Variants in PSMF1 observed in about 807,000 individuals in gnomAD.
PSMF1 encodes proteasome inhibitor PI31 subunit.
In PSMF1, 30 loss-of-function variants were observed where a neutral mutation model predicts 29.3. The observed-to-expected ratio is 1.02, with a 90% CI of 0.77 to 1.39. PSMF1 has a LOEUF of 1.39. Ranked by LOEUF, PSMF1 falls within the 40% of genes most tolerant of loss-of-function variation. The probability of loss-of-function intolerance (pLI) is 0.00; values close to 1 mark genes in which losing one functional copy is unlikely to be tolerated. For synonymous variants in PSMF1, 134 were observed against 139.7 expected (o/e 0.96, Z 0.29); for missense variants, 344 against 357.5 (o/e 0.96, Z 0.31).
At position 1,118,781 on chromosome 20, in the gene PSMF1, G is replaced by A; in HGVS notation, c.8G>A (p.Gly3Asp). The change falls in exon 1 of 7, where the codon GGC becomes GAC. Residue 3 changes from glycine to aspartate, a missense_variant. Coordinates refer to ENST00000335877, the MANE Select transcript of PSMF1 (RefSeq NM_006814.5). The part of the protein sequence containing the change: MA[G>D]LEVLFASAAP... ...CCGAAGTCGCGGGCGCTCATGGCGGGCCTGGAGGTACTGTTCGCATCGGCA... is the reference window on the plus strand; with the variant it reads ...CCGAAGTCGCGGGCGCTCATGGCGGACCTGGAGGTACTGTTCGCATCGGCA... 2.5e-6 allele frequency: 4 copies of A among 1,611,348 alleles called. No individual in the cohort carries two copies. Among genetic ancestry groups the A allele is most frequent in the Non-Finnish European group, 3.4e-6 (4 of 1,178,562 alleles).
At chr20:1,116,665 A>C (rs1462764397), upstream of PSMF1, among the ~76,000 whole-genome samples, 1 of 152,252 alleles carries the variant, frequency 6.6e-6, no homozygotes, top group African/African-American at 2.4e-5. Context: ...ATATGTGCAC[A>C]AGGTAGACAT....
At chr20:1,160,049 A>G (rs1181959128) in intron 4 of PSMF1, among the ~76,000 whole-genome samples, 1 of 152,066 alleles carries the variant, frequency 6.6e-6, no homozygotes, top group Non-Finnish European at 1.5e-5. Context: ...AAAATACTAA[A>G]TATTTGTGTT....
chr20:1,118,868 C>T lies in PSMF1; in HGVS notation c.95C>T (p.Thr32Ile), dbSNP rs1369739118. 1 of 1,614,138 alleles carries T rather than the reference C, an allele frequency of 6.2e-7. No individual in the cohort carries two copies. Among genetic ancestry groups the T allele is most frequent in the Non-Finnish European group, 8.5e-7 (1 of 1,179,960 alleles). ...LVCFLHWEVV[T>I]HGYFGLGVGD... is the part of the protein sequence containing the mutation. ...TGCTTCTTGCATTGGGAAGTGGTGA[C>T]ACACGGTTACTTCGGCTTGGGTGTC... Residue 32 changes from threonine to isoleucine, a missense_variant, in exon 1 of 7, where the codon ACA becomes ATA. By Grantham distance (89) the Thr-to-Ile change is moderately conservative. Coordinates refer to ENST00000335877, the MANE Select transcript of PSMF1 (RefSeq NM_006814.5).
chr20:1,116,561 C>T (rs185206014), upstream of PSMF1, among the ~76,000 whole-genome samples: 9 of 152,308 alleles, frequency 5.9e-5, no homozygotes, highest in Non-Finnish European at 1.0e-4. Context: ...AGTGCCCTGA[C>T]TGGGTTGGGG....
chr20:1,120,736 T>TC (rs2086076516), intron 1 of PSMF1, among the ~76,000 whole-genome samples: 1 of 152,084 alleles, frequency 6.6e-6, no homozygotes, highest in Admixed American at 6.6e-5. Flanking sequence ...GGCCCTCAGC[T>TC]CCCCCTGCCC....
chr20:1,143,642 A>G (rs969701340), intron 4 of PSMF1, among the ~76,000 whole-genome samples: 6 of 152,240 alleles, frequency 3.9e-5, no homozygotes, highest in African/African-American at 1.4e-4. Context: ...ATTGAAATTT[A>G]AAACTTTTGC....
intron 2 of PSMF1, 139 bp from the exon 3 acceptor site, chr20:1,127,287 A>G (rs1426336650): frequency 3.8e-6 from 3 of 796,088 alleles, no homozygotes; most frequent in Non-Finnish European, 6.8e-6. Context: ...AAGGTATTTC[A>G]TATAAACAGT....
At chr20:1,133,569 A>ATATATATATATTTTTTTTT in intron 3 of PSMF1, among the ~76,000 whole-genome samples, 4 of 53,304 alleles carry the variant, frequency 7.5e-5, no homozygotes, top group South Asian at 6.8e-4. Context: ...ATATATATAT[A>ATATATATATATTTTTTTTT]TTTTTTTTTT....
intron 4 of PSMF1, among the ~76,000 whole-genome samples, chr20:1,162,824 A>T (rs936864565): frequency 2.0e-5 from 3 of 152,224 alleles, no homozygotes; most frequent in African/African-American, 7.2e-5. Context: ...TTGGTTCATT[A>T]TACAAAGTTG....
At chr20:1,125,289 A>G (rs1039347447) in intron 1 of PSMF1, among the ~76,000 whole-genome samples, 1 of 152,196 alleles carries the variant, frequency 6.6e-6, no homozygotes, top group Admixed American at 6.5e-5. Flanking sequence ...AGGTAGCTCA[A>G]TATGAGGGAG....
intron 4 of PSMF1, among the ~76,000 whole-genome samples, chr20:1,139,669 C>T (rs1334256650): frequency 2.0e-5 from 3 of 150,314 alleles, no homozygotes; most frequent in Non-Finnish European, 3.0e-5. Context: ...GGCGTGAACC[C>T]GGGAGGCAGA....
At position 1,118,823 on chromosome 20, in the gene PSMF1, G is replaced by T. The variant is rs886689229; in HGVS notation, c.50G>T (p.Cys17Phe). Residue 17 changes from cysteine (C) to phenylalanine (F), a missense_variant, in exon 1 of 7, where the codon TGC becomes TTC. Physicochemically the swap from Cys to Phe is radical, Grantham distance 205. Transcript: ENST00000335877. Reference sequence around the variant, plus strand: ...GCATCGGCAGCGCCGGCCATCACCTGCAGGCAGGACGCGCTCGTCTGCTTC... The same window carrying T: ...GCATCGGCAGCGCCGGCCATCACCTTCAGGCAGGACGCGCTCGTCTGCTTC... ...LFASAAPAIT[C>F]RQDALVCFLH... The T allele has an allele frequency of 1.2e-6, 2 of 1,613,728 alleles. No individual in the cohort carries two copies. The highest frequency in any genetic ancestry group is 1.7e-6 in the Non-Finnish European group (2 of 1,179,676).
At chr20:1,125,431 G>C in intron 1 of PSMF1, 67 bp from the exon 2 acceptor site, 3 of 1,479,094 alleles carry the variant, frequency 2.0e-6, no homozygotes, top group East Asian at 2.3e-5. Context: ...AGCTTATCTC[G>C]TGAGGTTCTT....
At chr20:1,153,473 T>A (rs755582899) in intron 4 of PSMF1, among the ~76,000 whole-genome samples, 7 of 152,102 alleles carry the variant, frequency 4.6e-5, no homozygotes, top group Non-Finnish European at 7.4e-5. Flanking sequence ...TCCTCCACAA[T>A]CCATGTTCTG....
chr20:1,161,746 C>G, intron 4 of PSMF1: 1 of 482,602 alleles, frequency 2.1e-6, no homozygotes, highest in South Asian at 2.6e-5. Flanking sequence ...ATAATTCACA[C>G]GTATAAATTT....
At position 1,166,108 on chromosome 20, in the gene PSMF1, A is replaced by G; in HGVS notation, c.*1028A>G. 1.3e-6 allele frequency: 2 copies of G among 1,548,852 alleles called. No individual in the cohort carries two copies. The highest frequency in any genetic ancestry group is 1.7e-6 in the Non-Finnish European group (2 of 1,145,388). On this transcript the variant is annotated 3_prime_UTR_variant, in exon 7 of 7. Transcript: ENST00000335877. ...GGTTTTTGGACCCCATGGGGCCCAG[A>G]CAGAGCACAGGAGCATGGGCTGCCT...
intron 4 of PSMF1, chr20:1,161,372 G>A (rs1426811799): frequency 5.8e-6 from 2 of 344,618 alleles, no homozygotes; most frequent in East Asian, 1.3e-4. Context: ...CCTTCTTTCT[G>A]GGTGTGGAAT....
At chr20:1,151,325 C>CT (rs1415439146) in intron 4 of PSMF1, among the ~76,000 whole-genome samples, 1 of 152,190 alleles carries the variant, frequency 6.6e-6, no homozygotes, top group Non-Finnish European at 1.5e-5. Context: ...CAGTAAGTAA[C>CT]TTCACAACAG....
In PSMF1 at chr20:1,171,621, C is replaced by A. The variant is rs947893749; in HGVS notation, c.*6541C>A. Among the ~76,000 whole-genome samples, 5 of 152,214 alleles carry A rather than the reference C, an allele frequency of 3.3e-5. No individual in the cohort carries two copies. Among genetic ancestry groups the A allele is most frequent in the African/African-American group, 9.6e-5 (4 of 41,454 alleles). On this transcript the variant is annotated 3_prime_UTR_variant, in exon 7 of 7. Transcript: ENST00000335877. Reference sequence around the variant, plus strand: ...ACCCCTTCTTTCCCCCTCCCAGTTCCCGCAGCTAGGCTGAGTGTTAAGAGG... The same window carrying A: ...ACCCCTTCTTTCCCCCTCCCAGTTCACGCAGCTAGGCTGAGTGTTAAGAGG...
Sources: allele counts gnomAD v4.1 joint callset (sites outside exome capture counted in the v4.1 genomes callset), GRCh38; gene constraint gnomAD v4.1.1; transcripts MANE v1.5; gene names NCBI Gene and HGNC (gene_info 2026-07-23, HGNC 2026-07-21).